Variants in C10orf90 observed in about 807,000 individuals in gnomAD.
C10orf90 encodes (E2-independent) E3 ubiquitin-conjugating enzyme FATS.
A neutral mutation model predicts 62.5 loss-of-function variants in C10orf90; 56 were observed. That is an observed-to-expected ratio of 0.90 (90% confidence interval 0.72 to 1.12). C10orf90 has a LOEUF of 1.12. Ranked by LOEUF, C10orf90 falls within the 50% of genes most tolerant of loss-of-function variation. The probability of loss-of-function intolerance (pLI) is 0.00; values close to 1 mark genes in which losing one functional copy is unlikely to be tolerated. For missense variants in C10orf90, 970 were observed against 880.4 expected (o/e 1.10, Z -1.29); for synonymous variants, 386 against 340.4 (o/e 1.13, Z -1.47).
chr10:126,622,983 C>A (rs550358434), intron 2 of C10orf90, among the ~76,000 whole-genome samples: 16 of 152,216 alleles, frequency 1.1e-4, no homozygotes, highest in Non-Finnish European at 1.9e-4. Context: ...AGAATAACAT[C>A]TGATTTCAAA....
intron 2 of C10orf90, among the ~76,000 whole-genome samples, chr10:126,588,550 A>G (rs1488921244): frequency 1.3e-5 from 2 of 152,222 alleles, no homozygotes; most frequent in African/African-American, 4.8e-5. Flanking sequence ...GACAGAGGCA[A>G]CTAGGGTCTG....
chr10:126,516,994 G>T (rs1441216169), intron 2 of C10orf90, among the ~76,000 whole-genome samples: 6 of 151,764 alleles, frequency 4.0e-5, no homozygotes, highest in Non-Finnish European at 7.4e-5. Flanking sequence ...CCTGGAAAAT[G>T]CAGGCTACAT....
intron 7 of C10orf90, among the ~76,000 whole-genome samples, chr10:126,445,803 G>GTATATATA (rs1227032547): frequency 1.5e-5 from 1 of 67,042 alleles, no homozygotes. Flanking sequence ...AGAAACTGTG[G>GTATATATA]TGTATATATA....
Position 126,464,875 on chromosome 10 carries a change from C to A in C10orf90, c.1646G>T (p.Gly549Val). Reference protein sequence around the residue: ...QKPTRHFLPIGDSSPSDDCLS... With the variant: ...QKPTRHFLPIVDSSPSDDCLS... ...ACAGTCATCGCTTGGAGAGCTATCC[C>A]CAATGGGAAGGAAATGTCTAGTGGG... Residue 549 changes from glycine to valine, a missense_variant, in exon 5 of 10, where the codon GGG (glycine) becomes GTG (valine). Coordinates refer to ENST00000488181, the MANE Select transcript of C10orf90 (RefSeq NM_001350921.2). 6.2e-7 allele frequency: 1 copy of A among 1,614,156 alleles called. No individual in the cohort carries two copies. The highest frequency in any genetic ancestry group is 8.5e-7 in the Non-Finnish European group (1 of 1,180,024).
chr10:126,633,442 G>A (rs974682509), intron 2 of C10orf90, among the ~76,000 whole-genome samples: 4 of 152,252 alleles, frequency 2.6e-5, no homozygotes, highest in African/African-American at 7.2e-5. Context: ...CATGGCCAAG[G>A]CCAAGGACAA....
In C10orf90 at chr10:126,502,554, GATGAGTGT is replaced by G. The variant is rs566562712; in HGVS notation, c.1534+1395_1534+1402del. On this transcript the variant is annotated intron_variant, in intron 4 of 9. Transcript: ENST00000488181. The stretch of plus-strand genomic sequence containing the variant: ...CCACACTCTTGCTGCCCTCCTCTGA[GATGAGTGT>G]ATGAGTGTTTGAGATCTGGCTCTCA... 33 of 189,968 alleles carry G rather than the reference GATGAGTGT, an allele frequency of 1.7e-4. 1 individual carries two copies. The East Asian group carries it at 5.4e-3, about 31-fold the overall frequency. 11.8% of individuals were successfully genotyped at this position (189,968 alleles called of 1,614,324 possible).
At chr10:126,624,829 T>C (rs1459659944) in intron 2 of C10orf90, among the ~76,000 whole-genome samples, 4 of 152,102 alleles carry the variant, frequency 2.6e-5, no homozygotes, top group Admixed American at 6.5e-5. Flanking sequence ...CAGGCATCCA[T>C]ATTTCTTCCC....
intron 2 of C10orf90, among the ~76,000 whole-genome samples, chr10:126,583,604 C>T (rs1026119612): frequency 1.3e-5 from 2 of 152,116 alleles, no homozygotes; most frequent in African/African-American, 4.8e-5. Flanking sequence ...TGAGTAGTTT[C>T]TCTTATCATT....
intron 1 of C10orf90, among the ~76,000 whole-genome samples, chr10:126,665,874 C>T (rs1846617477): frequency 2.6e-5 from 4 of 152,106 alleles, no homozygotes; most frequent in Non-Finnish European, 5.9e-5. Context: ...CAGGTCTTTG[C>T]CTGAATACTG....
intron 1 of C10orf90, among the ~76,000 whole-genome samples, chr10:126,658,792 T>G (rs1846447476): frequency 6.6e-6 from 1 of 152,176 alleles, no homozygotes. Context: ...AAATGGGGTC[T>G]CACTATGTTG....
intron 2 of C10orf90, among the ~76,000 whole-genome samples, chr10:126,630,646 T>C (rs1845834006): frequency 1.3e-5 from 2 of 152,090 alleles, no homozygotes; most frequent in African/African-American, 2.4e-5. Flanking sequence ...ACAAGCACCA[T>C]GGTGACAAAG....
intron 2 of C10orf90, among the ~76,000 whole-genome samples, chr10:126,583,025 G>A (rs1054643283): frequency 1.6e-4 from 24 of 152,242 alleles, no homozygotes; most frequent in African/African-American, 5.8e-4. Flanking sequence ...GCTGTGCTGT[G>A]CATTTTAGGA....
At chr10:126,600,391 T>C (rs1019122292) in intron 2 of C10orf90, among the ~76,000 whole-genome samples, 4 of 152,172 alleles carry the variant, frequency 2.6e-5, no homozygotes, top group Non-Finnish European at 5.9e-5. Context: ...CACTGAGCCC[T>C]GTTGTGTGCA....
Position 126,481,386 on chromosome 10 carries a change from A to T in C10orf90, c.1535-16400T>A, listed in dbSNP as rs565075201. On this transcript the variant is annotated intron_variant, in intron 4 of 9. Transcript: ENST00000488181. ...GCAGTGCCCAACACCTAGATGACAC[A>T]TGGCACTCAATAAACATTTGTCAAG... 2.6e-5 allele frequency among the ~76,000 whole-genome samples: 4 copies of T among 152,272 alleles called. 1 individual carries two copies. Among genetic ancestry groups the T allele is most frequent in the Non-Finnish European group, 5.9e-5 (4 of 68,050 alleles).
At chr10:126,575,682 A>G (rs1179121889) in intron 2 of C10orf90, among the ~76,000 whole-genome samples, 1 of 152,074 alleles carries the variant, frequency 6.6e-6, no homozygotes, top group East Asian at 1.9e-4. Flanking sequence ...CTCAAAATAT[A>G]CTACAAAGCT....
chr10:126,486,725 CA>C (rs1259668633), intron 4 of C10orf90, among the ~76,000 whole-genome samples: 5 of 151,896 alleles, frequency 3.3e-5, no homozygotes, highest in African/African-American at 1.2e-4. Context: ...ACTTTAGATA[CA>C]AGTGAAACTA....
intron 2 of C10orf90, among the ~76,000 whole-genome samples, chr10:126,518,407 G>A (rs952421724): frequency 2.0e-5 from 3 of 152,130 alleles, no homozygotes; most frequent in Middle Eastern, 6.3e-3. Context: ...CAGATGGTGA[G>A]TCTGAAGCCC....
chr10:126,490,011 TATTATATATAATA>T (rs1437859555), intron 4 of C10orf90, among the ~76,000 whole-genome samples: 1,065 of 78,080 alleles, frequency 0.014, 27 homozygotes, highest in African/African-American at 0.054. Flanking sequence ...ATATTATATA[TATTATATATAATA>T]TATAATATAT....
intron 2 of C10orf90, among the ~76,000 whole-genome samples, chr10:126,645,589 A>G (rs1244006622): frequency 1.5e-5 from 2 of 131,848 alleles, no homozygotes; most frequent in East Asian, 4.2e-4. Flanking sequence ...GACCCTGCCT[A>G]AAAAAAAAAA....
Sources: gnomAD v4.1 joint callset for allele counts (sites outside exome capture counted in the v4.1 genomes callset) on GRCh38, gnomAD v4.1.1 for gene constraint, MANE v1.5 for transcripts, NCBI Gene and HGNC (gene_info 2026-07-23, HGNC 2026-07-21) for gene names.